CILP: variants seen among roughly 807,000 people sequenced by gnomAD.
The protein encoded by CILP is cartilage intermediate layer protein 1.
Under a neutral mutation model 82.5 loss-of-function variants are expected in CILP, and 75 were observed. The ratio of observed to expected loss-of-function variants is 0.91; its 90% CI spans 0.75 to 1.10. The LOEUF is 1.10. CILP is among the 50% of genes least tolerant of loss of function. The pLI, the probability that CILP is intolerant of heterozygous loss-of-function variation, is 0.00. For synonymous variants in CILP, 530 were observed against 580.3 expected, an observed-to-expected ratio of 0.91 and a Z score of 1.25; for missense variants, 1,479 against 1,530.8, an observed-to-expected ratio of 0.97 and a Z score of 0.56.
At position 65,209,810 on chromosome 15, in the gene CILP, A is replaced by G; in HGVS notation, c.-55T>C. ...AGAGGTAGATGTGGGTGCTTCACAG[A>G]GTCACTGACTCTGGAATGCGGTCCC... On this transcript the variant is annotated 5_prime_UTR_variant, in exon 2 of 9. Coordinates refer to ENST00000261883, the MANE Select transcript of CILP (RefSeq NM_003613.4). The G allele has an allele frequency of 1.3e-6, 2 of 1,525,262 alleles. No homozygotes were observed. Among genetic ancestry groups the G allele is most frequent in the African/African-American group, 1.4e-5 (1 of 73,340 alleles). The allele number at this position is 1,525,262 out of a possible 1,614,324, so 94.5% of individuals were successfully genotyped here. A position where few individuals can be genotyped will look rare whatever the true frequency, so the allele number is the denominator to read the frequency against.
Position 65,198,856 on chromosome 15 carries a change from G to A in CILP, c.1430C>T (p.Ala477Val), listed in dbSNP as rs781420646. 2 of 1,614,024 alleles carry A rather than the reference G, an allele frequency of 1.2e-6. No homozygotes were observed. Among genetic ancestry groups the A allele is most frequent in the South Asian group, 2.2e-5 (2 of 91,086 alleles). ...CSGYTLPTKV[A>V]KECSCQRCTE... ...ACACCGCTGGCAGCTGCACTCCTTG[G>A]CCACCTTGGTGGGTAGCGTGTAGCC... Residue 477 changes from alanine (A) to valine (V), a missense_variant, in exon 9 of 9, where the codon GCC becomes GTC. Transcript: ENST00000261883.
Position 65,198,987 on chromosome 15 carries a change from A to G in CILP, c.1299T>C (p.Pro433=). The G allele has an allele frequency of 6.2e-7, 1 of 1,612,784 alleles. No individual in the cohort carries two copies. Among genetic ancestry groups the G allele is most frequent in the Non-Finnish European group, 8.5e-7 (1 of 1,180,018 alleles). Residue 433 remains proline, a synonymous_variant, in exon 9 of 9, where the codon CCT becomes CCC. Transcript: ENST00000261883. ...CCTGCTGCCCTGCACAAGTCTTAACAGGGCAGCGTCCCACGTCATAGTAGA... is the reference window on the plus strand; with the variant it reads ...CCTGCTGCCCTGCACAAGTCTTAACGGGGCAGCGTCCCACGTCATAGTAGA... The part of the protein sequence containing the change: ...NSFYYDVGRC[P]VKTCAGQQDN...
At chr15:65,209,012 C>CTTTTTTTTTTT (rs556369891) in intron 2 of CILP, among the ~76,000 whole-genome samples, 13 of 69,978 alleles carry the variant, frequency 1.9e-4, no homozygotes, top group East Asian at 5.9e-4. Context: ...GGGTTTTGAG[C>CTTTTTTTTTTT]TTTTTTTTTT....
chr15:65,209,765 A>C lies in CILP; in HGVS notation c.-10T>G, dbSNP rs2088564965. On this transcript the variant is annotated 5_prime_UTR_variant, in exon 2 of 9. Transcript: ENST00000261883. ...CCTTGGTCCCCACCATCTTTCCCCCAAGCCCGTGGGAACGTGGCAAGAGGT... is the reference window on the plus strand; with the variant it reads ...CCTTGGTCCCCACCATCTTTCCCCCCAGCCCGTGGGAACGTGGCAAGAGGT... 1 of 1,613,650 alleles carries C rather than the reference A, an allele frequency of 6.2e-7. No individual in the cohort carries two copies. The highest frequency in any genetic ancestry group is 8.5e-7 in the Non-Finnish European group (1 of 1,179,700).
In CILP at chr15:65,205,292, C is replaced by T; in HGVS notation, c.599G>A (p.Cys200Tyr). 6.2e-7 allele frequency: 1 copy of T among 1,608,174 alleles called. No homozygotes were observed. Residue 200 changes from cysteine (C) to tyrosine (Y), a missense_variant, in exon 5 of 9, where the codon TGT becomes TAT. Transcript: ENST00000261883. ...EEGQHCMGQD[C>Y]TACDLTCPMG... ...GCCAGGAGGGAGGGTGGTACCTGTA[C>T]AGTCCTGGCCCATGCAGTGCTGACC...
chr15:65,200,694 A>G (rs1031079914), intron 8 of CILP, among the ~76,000 whole-genome samples: 18 of 152,306 alleles, frequency 1.2e-4, no homozygotes, highest in African/African-American at 4.3e-4. Flanking sequence ...CCATTCTTTA[A>G]GACCAGGGGT....
intron 7 of CILP, 37 bp from the exon 8 acceptor site, chr15:65,202,066 T>C (rs755820064): frequency 8.8e-6 from 13 of 1,472,072 alleles, no homozygotes; most frequent in Middle Eastern, 1.8e-4. Context: ...GAATGGGCAG[T>C]GGGAGGGCAG....
In CILP at chr15:65,207,680, G is replaced by A. The variant is rs140922193; in HGVS notation, c.146C>T (p.Thr49Ile). 144 of 1,614,070 alleles carry A rather than the reference G, an allele frequency of 8.9e-5. No individual in the cohort carries two copies. In the African/African-American group the frequency reaches 1.4e-3, roughly 15 times the overall value. Residue 49 changes from threonine to isoleucine, a missense_variant, in exon 3 of 9, where the codon ACC becomes ATC. By Grantham distance (89) the Thr-to-Ile change is moderately conservative. Transcript: ENST00000261883. ...NPSIFAKPADTLESPGEWTTW... is the reference protein window; with the variant it reads ...NPSIFAKPADILESPGEWTTW... The stretch of plus-strand genomic sequence containing the variant: ...CTTCAGCCACAACTCACTCTCCAGG[G>A]TGTCGGCAGGCTTGGCAAAGATGCT...
rs1175406994 is a variant in CILP, at chr15:65,198,424, T to C, written c.1862A>G (p.Lys621Arg). Residue 621 changes from lysine to arginine, a missense_variant, in exon 9 of 9, where the codon AAG becomes AGG. Physicochemically the swap from Lys to Arg is conservative, Grantham distance 26. Transcript: ENST00000261883. ...GGGATCCAGGAAGGTCACACTGGCC[T>C]TCACTTTTCCTATGTAGGGCTCCCC... ...QNGEPYIGKV[K>R]ASVTFLDPRN... The C allele has an allele frequency of 6.2e-7, 1 of 1,614,142 alleles. No individual in the cohort carries two copies. The highest frequency in any genetic ancestry group is 2.2e-5 in the East Asian group (1 of 44,902).
chr15:65,204,347 G>A lies in CILP; in HGVS notation c.840C>T (p.Val280=), dbSNP rs772135689. ...DGKSILKITK[V]KFAPIVLTMP... Reference sequence around the variant, plus strand: ...TTGTGAGTACAATGGGGGCAAACTTGACCTTTGTGATCTTCAGGATGCTTT... The same window carrying A: ...TTGTGAGTACAATGGGGGCAAACTTAACCTTTGTGATCTTCAGGATGCTTT... Residue 280 remains valine (V), a synonymous_variant, in exon 6 of 9, where the codon GTC becomes GTT. Transcript: ENST00000261883. 21 of 1,614,074 alleles carry A rather than the reference G, an allele frequency of 1.3e-5. No individual in the cohort carries two copies. Among genetic ancestry groups the A allele is most frequent in the African/African-American group, 2.7e-5 (2 of 74,934 alleles).
intron 5 of CILP, among the ~76,000 whole-genome samples, chr15:65,205,042 T>TCTC: frequency 6.6e-6 from 1 of 151,568 alleles, no homozygotes; most frequent in South Asian, 2.1e-4. Context: ...CAACAACAAC[T>TCTC]TAGCCCAAAA....
At position 65,209,716 on chromosome 15, in the gene CILP, G is replaced by T; in HGVS notation, c.40C>A (p.Leu14Met). Residue 14 changes from leucine (L) to methionine (M), a missense_variant, in exon 2 of 9, where the codon CTG becomes ATG. Coordinates refer to ENST00000261883, the MANE Select transcript of CILP (RefSeq NM_003613.4). ...TKAWVFSFLV[L>M]EVTSVLGRQT... ...ATACCCAACACAGATGTGACTTCCA[G>T]GACCAGGAAGGAGAACACCCAGGCC... 1 of 1,614,082 alleles carries T rather than the reference G, an allele frequency of 6.2e-7. No homozygotes were observed.
chr15:65,199,658 A>G (rs1396936989), intron 8 of CILP, among the ~76,000 whole-genome samples: 1 of 152,206 alleles, frequency 6.6e-6, no homozygotes, highest in Non-Finnish European at 1.5e-5. Flanking sequence ...CCCTGTCTCT[A>G]CAAAAAATAC....
chr15:65,201,632 G>A (rs1413431823), intron 8 of CILP, among the ~76,000 whole-genome samples: 2 of 151,370 alleles, frequency 1.3e-5, no homozygotes, highest in Non-Finnish European at 2.9e-5. Context: ...AGGAGGCTGA[G>A]GCAGGAGAAT....
chr15:65,199,863 C>G (rs1490630697), intron 8 of CILP, among the ~76,000 whole-genome samples: 1 of 152,166 alleles, frequency 6.6e-6, no homozygotes, highest in East Asian at 1.9e-4. Context: ...TTTTACATGG[C>G]TTTAACCATA....
rs2088390618 is a variant in CILP, at chr15:65,197,786, G to T, written c.2500C>A (p.Gln834Lys). Residue 834 changes from glutamine (Q) to lysine (K), a missense_variant, in exon 9 of 9, where the codon CAA (glutamine) becomes AAA (lysine). Coordinates refer to ENST00000261883, the MANE Select transcript of CILP (RefSeq NM_003613.4). Reference protein sequence around the residue: ...VLASLAGEELQAVESSPKFNP... With the variant: ...VLASLAGEELKAVESSPKFNP... ...AATTTAGGAGAAGACTCCACTGCTT[G>T]CAGTTCCTCCCCAGCCAGGCTTGCC... 2 of 1,613,180 alleles carry T rather than the reference G, an allele frequency of 1.2e-6. No homozygotes were observed. The highest frequency in any genetic ancestry group is 3.3e-5 in the Admixed American group (2 of 60,004).
Position 65,196,146 on chromosome 15 carries a change from C to G in CILP, c.*585G>C, listed in dbSNP as rs2088358117. ...TTGTGGATACCAGGAGATGTTCTTTCCAGACTTGGTAGAGGAACTATGATC... is the reference window on the plus strand; with the variant it reads ...TTGTGGATACCAGGAGATGTTCTTTGCAGACTTGGTAGAGGAACTATGATC... On this transcript the variant is annotated 3_prime_UTR_variant, in exon 9 of 9. Coordinates refer to ENST00000261883, the MANE Select transcript of CILP (RefSeq NM_003613.4). The G allele has an allele frequency of 6.6e-6, 1 of 152,236 alleles. No homozygotes were observed. The highest frequency in any genetic ancestry group is 2.4e-5 in the African/African-American group (1 of 41,462). 9.4% of individuals were successfully genotyped at this position (152,236 alleles called of 1,614,324 possible). A position where few individuals can be genotyped will look rare whatever the true frequency, so the allele number is the denominator to read the frequency against.
rs199878022 is a variant in CILP at position 65,203,456 on chromosome 15, C to A, written c.934G>T (p.Val312Leu). 19 of 1,612,386 alleles carry A rather than the reference C, an allele frequency of 1.2e-5. No individual in the cohort carries two copies. In the African/African-American group the frequency reaches 1.3e-4, roughly 11 times the overall value. ...CGTGCTTTTGTCTCAGGGTTCATCA[C>A]CATGTATGGAGTCTCTGGGACAGAA... ...EFVRAETPYM[V>L]MNPETKARRA... The change falls in exon 7 of 9, where the codon GTG becomes TTG. Residue 312 changes from valine (V) to leucine (L), a missense_variant. Physicochemically the swap from Val to Leu is conservative, Grantham distance 32 (BLOSUM62 1). Transcript: ENST00000261883.
chr15:65,210,010 G>A (rs2088567452), intron 1 of CILP, 149 bp from the exon 2 acceptor site: 2 of 479,238 alleles, frequency 4.2e-6, no homozygotes, highest in Middle Eastern at 5.7e-4. Flanking sequence ...CAGGTAGCTT[G>A]GGAGGTGCAG....
Sources: allele counts gnomAD v4.1 joint callset (sites outside exome capture counted in the v4.1 genomes callset), GRCh38; gene constraint gnomAD v4.1.1; transcripts MANE v1.5; gene names NCBI Gene and HGNC (gene_info 2026-07-23, HGNC 2026-07-21).